NCKAP5: variants seen among roughly 807,000 people sequenced by gnomAD.
NCKAP5 encodes NCK associated protein 5, also known as nck-associated protein 5.
In NCKAP5, 92 loss-of-function variants were observed where a neutral mutation model predicts 167.0. The ratio of observed to expected loss-of-function variants is 0.55; its 90% confidence interval spans 0.47 to 0.66. NCKAP5 has a LOEUF of 0.66. Ranked by LOEUF, NCKAP5 falls within the 30% of genes least tolerant of loss-of-function variation. The pLI is 0.00. For synonymous variants in NCKAP5, 891 were observed against 877.4 expected (o/e 1.02, Z -0.27); for missense variants, 2,378 against 2,315.0 (o/e 1.03, Z -0.56).
rs148045980 is a variant in NCKAP5 at position 132,822,084 on chromosome 2, C to G, written c.808-25355G>C. ...TGCTGCTCTCTTGAAAGTGCCACCT[C>G]CTGGCTGGAGGCCAACAAACTCAGG... On this transcript the variant is annotated intron_variant, in intron 11 of 19. Coordinates refer to ENST00000409261, the MANE Select transcript of NCKAP5 (RefSeq NM_207363.3). Among the ~76,000 whole-genome samples, 213 of 152,330 alleles carry G rather than the reference C, an allele frequency of 1.4e-3. 1 individual carries two copies. Among genetic ancestry groups the G allele is most frequent in the African/African-American group, 4.9e-3 (202 of 41,582 alleles).
chr2:133,336,028 A>G (rs1683187882), intron 3 of NCKAP5, among the ~76,000 whole-genome samples: 1 of 152,090 alleles, frequency 6.6e-6, no homozygotes, highest in South Asian at 2.1e-4. Flanking sequence ...CATTTTACAG[A>G]GTCTCAAGTA....
chr2:133,577,891 A>G, the NCKAP5 span, among the ~76,000 whole-genome samples: 1 of 152,206 alleles, frequency 6.6e-6, no homozygotes, highest in Admixed American at 6.5e-5. Context: ...TCATTATTCC[A>G]TGGCTTCATT....
intron 5 of NCKAP5, among the ~76,000 whole-genome samples, chr2:133,184,126 G>C (rs997713680): frequency 2.0e-5 from 3 of 151,720 alleles, no homozygotes; most frequent in Non-Finnish European, 4.4e-5. Flanking sequence ...CTTCCTCCCT[G>C]CTCTAGTAGT....
At position 133,320,564 on chromosome 2, in the gene NCKAP5, TA is replaced by T. The variant is rs1292949349; in HGVS notation, c.70-17455del. Among the ~76,000 whole-genome samples the T allele has an allele frequency of 2.0e-5, 3 of 151,982 alleles. No individual in the cohort carries two copies. The East Asian group carries it at 5.8e-4, about 29-fold the overall frequency. On this transcript the variant is annotated intron_variant, in intron 3 of 19. Coordinates refer to ENST00000409261, the MANE Select transcript of NCKAP5 (RefSeq NM_207363.3). ...TAACATGGTGAAACCCCGTCTCTAC[TA>T]AAAATACAGAAAATTAGCCAGGCGT...
intron 15 of NCKAP5, among the ~76,000 whole-genome samples, chr2:132,779,353 T>A (rs1267105005): frequency 1.3e-5 from 2 of 152,162 alleles, no homozygotes; most frequent in African/African-American, 4.8e-5. Flanking sequence ...ATTAAATGGG[T>A]CATAGTTAAA....
chr2:133,494,024 GA>G (rs139410179), intron 3 of NCKAP5, among the ~76,000 whole-genome samples: 4,629 of 152,298 alleles, frequency 0.03, 128 homozygotes, highest in Non-Finnish European at 0.047. Flanking sequence ...GGGTTTGTGA[GA>G]AAAAGTTGGT....
At chr2:132,842,176 A>C (rs1298748361) in intron 11 of NCKAP5, among the ~76,000 whole-genome samples, 1 of 152,082 alleles carries the variant, frequency 6.6e-6, no homozygotes, top group Non-Finnish European at 1.5e-5. Context: ...TTCATTTTAC[A>C]GTTTACATTT....
the NCKAP5 span, among the ~76,000 whole-genome samples, chr2:133,600,529 G>A: frequency 6.6e-6 from 1 of 152,258 alleles, no homozygotes; most frequent in Non-Finnish European, 1.5e-5. Flanking sequence ...GAGCAGAGCT[G>A]ACTGCGTTAC....
intron 3 of NCKAP5, among the ~76,000 whole-genome samples, chr2:133,342,316 T>C (rs1197634036): frequency 6.6e-6 from 1 of 152,094 alleles, no homozygotes; most frequent in Non-Finnish European, 1.5e-5. Context: ...GGAAGCAGCA[T>C]TTTAACTAGT....
At position 132,950,055 on chromosome 2, in the gene NCKAP5, C is replaced by T. The variant is rs1056293768; in HGVS notation, c.579+13665G>A. Among the ~76,000 whole-genome samples, 3 of 152,150 alleles carry T rather than the reference C, an allele frequency of 2.0e-5. No individual in the cohort carries two copies. In the South Asian group the frequency reaches 6.2e-4, roughly 32 times the overall value. The stretch of plus-strand genomic sequence containing the variant: ...GTTGCAGTGAGCCGAGATCATGCCA[C>T]TGCACTCCAGCCTGGGTGACAGGGT... On this transcript the variant is annotated intron_variant, in intron 8 of 19. Coordinates refer to ENST00000409261, the MANE Select transcript of NCKAP5 (RefSeq NM_207363.3).
Position 133,529,621 on chromosome 2 carries a change from G to T in NCKAP5, c.-61-12034C>A, listed in dbSNP as rs560904188. Among the ~76,000 whole-genome samples, 200 of 152,158 alleles carry T rather than the reference G, an allele frequency of 1.3e-3. 1 individual carries two copies. Among genetic ancestry groups the T allele is most frequent in the African/African-American group, 4.3e-3 (177 of 41,502 alleles). On this transcript the variant is annotated intron_variant, in intron 2 of 19. Coordinates refer to ENST00000409261, the MANE Select transcript of NCKAP5 (RefSeq NM_207363.3). ...AATTATAGTGTAAAATTTTAAATTT[G>T]GTTAGAAATTGACTAATTGCCTTCC... is the stretch of plus-strand genomic sequence containing the variant.
intron 19 of NCKAP5, among the ~76,000 whole-genome samples, chr2:132,699,282 T>A (rs1687645052): frequency 1.3e-5 from 2 of 152,212 alleles, no homozygotes; most frequent in Admixed American, 1.3e-4. Context: ...CTGGCATGGA[T>A]GATGCATTCA....
chr2:133,231,428 A>G (rs2087142458), intron 4 of NCKAP5, among the ~76,000 whole-genome samples: 1 of 152,176 alleles, frequency 6.6e-6, no homozygotes, highest in Non-Finnish European at 1.5e-5. Flanking sequence ...CAAAGGGGTT[A>G]CTAGGGAAGG....
At chr2:133,524,835 C>T (rs998751035) in intron 2 of NCKAP5, among the ~76,000 whole-genome samples, 1 of 152,200 alleles carries the variant, frequency 6.6e-6, no homozygotes, top group African/African-American at 2.4e-5. Context: ...CCTATTGATA[C>T]AGCTATTTGT....
the NCKAP5 span, among the ~76,000 whole-genome samples, chr2:133,664,055 G>A: frequency 6.6e-6 from 1 of 152,186 alleles, no homozygotes. Flanking sequence ...AATGGATGTT[G>A]TGTTAACAGA....
At chr2:133,210,120 G>A (rs558108281) in intron 5 of NCKAP5, among the ~76,000 whole-genome samples, 9 of 149,978 alleles carry the variant, frequency 6.0e-5, no homozygotes, top group South Asian at 2.1e-4. Flanking sequence ...AGCCGAGACC[G>A]GGCCACTGCA....
At chr2:133,270,134 G>T (rs1353032064) in intron 4 of NCKAP5, among the ~76,000 whole-genome samples, 3 of 152,144 alleles carry the variant, frequency 2.0e-5, no homozygotes, top group Non-Finnish European at 4.4e-5. Context: ...TTTCGTAAGT[G>T]CCATACAAAT....
At chr2:132,739,005 T>C (rs561485398) in intron 16 of NCKAP5, among the ~76,000 whole-genome samples, 4 of 152,322 alleles carry the variant, frequency 2.6e-5, no homozygotes, top group African/African-American at 4.8e-5. Flanking sequence ...ATCCAAACTA[T>C]ATAAACTATG....
chr2:133,573,171 C>T (rs1027719905), upstream of NCKAP5, among the ~76,000 whole-genome samples: 1 of 152,170 alleles, frequency 6.6e-6, no homozygotes, highest in Non-Finnish European at 1.5e-5. Flanking sequence ...GTTATGGTAG[C>T]CCTCTTACAT....
Sources: allele counts gnomAD v4.1 joint callset (sites outside exome capture counted in the v4.1 genomes callset), GRCh38; gene constraint gnomAD v4.1.1; transcripts MANE v1.5; gene names NCBI Gene and HGNC (gene_info 2026-07-23, HGNC 2026-07-21).